UBN2: variants seen among roughly 807,000 people sequenced by gnomAD.
UBN2 encodes the protein ubinuclein 2, also known as ubinuclein-2.
In UBN2, 35 loss-of-function variants were observed where a neutral mutation model predicts 120.2. The ratio of observed to expected loss-of-function variants is 0.29; its 90% CI spans 0.22 to 0.39. The LOEUF is 0.39. UBN2 is among the 10% of genes least tolerant of loss of function. UBN2 has a pLI of 1.00. For missense variants in UBN2, 1,693 were observed against 1,663.2 expected (o/e 1.02, Z -0.31); for synonymous variants, 661 against 648.7 (o/e 1.02, Z -0.29).
At chr7:139,255,307 G>C (rs1248354275) in intron 3 of UBN2, among the ~76,000 whole-genome samples, 3 of 151,964 alleles carry the variant, frequency 2.0e-5, no homozygotes, top group African/African-American at 7.3e-5. Flanking sequence ...CAACTTAAAG[G>C]GCATGACTGG....
Position 139,266,242 on chromosome 7 carries a change from A to G in UBN2, c.1396-91A>G, listed in dbSNP as rs111749302. ...GCCCTATCTCAAAAAAAAAAAAAAA[A>G]AAAGAAAAAAACCTTTGAACACGTG... is the stretch of plus-strand genomic sequence containing the variant. On this transcript the variant is annotated intron_variant, in intron 6 of 17. Transcript: ENST00000473989. 338 of 843,148 alleles carry G rather than the reference A, an allele frequency of 4.0e-4. 4 individuals carry two copies. The East Asian group carries it at 5.0e-3, about 12-fold the overall frequency. The allele number at this position is 843,148 out of a possible 1,614,324, so 52.2% of individuals were successfully genotyped here. A position where few individuals can be genotyped will look rare whatever the true frequency, so the allele number is the denominator to read the frequency against.
At chr7:139,328,349 C>T in the UBN2 span, among the ~76,000 whole-genome samples, 2 of 152,098 alleles carry the variant, frequency 1.3e-5, no homozygotes, top group African/African-American at 2.4e-5. Flanking sequence ...CACTGTCGTG[C>T]GAATAGCAAG....
In UBN2 at chr7:139,276,147, C is replaced by T. The variant is rs765815222; in HGVS notation, c.2024C>T (p.Pro675Leu). 1.7e-5 allele frequency: 28 copies of T among 1,613,180 alleles called. No individual in the cohort carries two copies. The African/African-American group carries it at 1.7e-4, about 10-fold the overall frequency. ...RSVHNHLTSA[P>L]AKKKVIPAPK... ...GTTCATAATCATCTTACTTCTGCTC[C>T]GTGAGTAAATGCAGACTCCAGATTG... is the stretch of plus-strand genomic sequence containing the variant. The change falls in exon 12 of 18, where the codon CCG (proline) becomes CTG (leucine). Residue 675 changes from proline to leucine, a missense_variant and splice_region_variant. Coordinates refer to ENST00000473989, the MANE Select transcript of UBN2 (RefSeq NM_173569.4).
At chr7:139,314,380 G>A in the UBN2 span, among the ~76,000 whole-genome samples, 4 of 150,440 alleles carry the variant, frequency 2.7e-5, no homozygotes, top group Admixed American at 1.3e-4. Context: ...GCTTGAACCC[G>A]GGAGGCAGAG....
intron 16 of UBN2, 181 bp from the exon 17 acceptor site, chr7:139,293,707 TG>T: frequency 1.5e-6 from 1 of 649,840 alleles, no homozygotes; most frequent in South Asian, 2.0e-5. Flanking sequence ...GGAAGTCAGT[TG>T]TGTTGGGTTA....
intron 13 of UBN2, among the ~76,000 whole-genome samples, chr7:139,281,502 TCGTC>T (rs972197597): frequency 6.6e-6 from 1 of 152,122 alleles, no homozygotes; most frequent in African/African-American, 2.4e-5. Context: ...TCCCTTCCAT[TCGTC>T]CGTCCATCCA....
chr7:139,245,936 T>C (rs116614461), intron 2 of UBN2, among the ~76,000 whole-genome samples: 1 of 152,216 alleles, frequency 6.6e-6, no homozygotes, highest in Non-Finnish European at 1.5e-5. Context: ...TGAGTCAACA[T>C]GTACAAGGCA....
chr7:139,257,632 G>T lies in UBN2; in HGVS notation c.664-856G>T, dbSNP rs867072005. ...GGGGTTTCACTATGTTGGCCAGGCT[G>T]GTCTTGAACTCCTGACCTCATGATC... On this transcript the variant is annotated intron_variant, in intron 3 of 17. Transcript: ENST00000473989. Among the ~76,000 whole-genome samples, 10 of 152,066 alleles carry T rather than the reference G, an allele frequency of 6.6e-5. No individual in the cohort carries two copies. In the South Asian group the frequency reaches 1.0e-3, roughly 16 times the overall value.
Position 139,231,452 on chromosome 7 carries a change from C to T in UBN2, c.-33C>T. 7.7e-7 allele frequency: 1 copy of T among 1,295,196 alleles called. No homozygotes were observed. Among genetic ancestry groups the T allele is most frequent in the South Asian group, 2.3e-5 (1 of 43,910 alleles). The allele number at this position is 1,295,196 out of a possible 1,614,324, so 80.2% of individuals were successfully genotyped here. A position where few individuals can be genotyped will look rare whatever the true frequency, so the allele number is the denominator to read the frequency against. On this transcript the variant is annotated 5_prime_UTR_variant, in exon 1 of 18. Coordinates refer to ENST00000473989, the MANE Select transcript of UBN2 (RefSeq NM_173569.4). ...AGCGCGCCGTAGAAGCGAGCGCCGG[C>T]TCGAGCAAAAGCGGAGGGCCAGAAC... is the stretch of plus-strand genomic sequence containing the variant.
chr7:139,289,392 G>T (rs2131054035), intron 15 of UBN2, among the ~76,000 whole-genome samples: 1 of 145,796 alleles, frequency 6.9e-6, no homozygotes, highest in East Asian at 2.0e-4. Context: ...TTTGGAAATT[G>T]CCCTCCCTAA....
At chr7:139,295,387 C>T (rs75284225) in intron 17 of UBN2, among the ~76,000 whole-genome samples, 4 of 152,126 alleles carry the variant, frequency 2.6e-5, no homozygotes, top group African/African-American at 4.8e-5. Flanking sequence ...CATGTCCCCC[C>T]CTGGGTGTAG....
the UBN2 span, among the ~76,000 whole-genome samples, chr7:139,322,580 A>T: frequency 1.4e-5 from 2 of 143,396 alleles, no homozygotes; most frequent in Non-Finnish European, 3.0e-5. Context: ...GAGACGTTTC[A>T]TTGGAACTTT....
chr7:139,326,221 A>G, the UBN2 span, among the ~76,000 whole-genome samples: 1 of 152,162 alleles, frequency 6.6e-6, no homozygotes, highest in African/African-American at 2.4e-5. Context: ...GTGCCCCTGC[A>G]CTCCAGCGTG....
rs1387086677 is a variant in UBN2 at position 139,261,350 on chromosome 7, A to AG, written c.1006dup (p.Asp336GlyfsTer8). 1 of 1,614,234 alleles carries AG rather than the reference A, an allele frequency of 6.2e-7. No homozygotes were observed. Among genetic ancestry groups the AG allele is most frequent in the Non-Finnish European group, 8.5e-7 (1 of 1,180,038 alleles). On this transcript the variant is annotated frameshift_variant, in exon 6 of 18. Coordinates refer to ENST00000473989, the MANE Select transcript of UBN2 (RefSeq NM_173569.4). LOFTEE classifies it high-confidence loss of function. ...ATGATTAGAAAATTCCAGAAAGAGA[A>AG]GGATGCATTAAAGAAGGAGTCTAAC...
In UBN2 at chr7:139,297,843, A is replaced by G. The variant is rs190102177; in HGVS notation, c.*7A>G. The G allele has an allele frequency of 6.2e-7, 1 of 1,614,152 alleles. No individual in the cohort carries two copies. The highest frequency in any genetic ancestry group is 2.2e-5 in the East Asian group (1 of 44,856). Reference sequence around the variant, plus strand: ...ACCACGGAAATCTCAGTGACTGCCCAGCAAGCAAAGGAGACGAAATGTTTA... The same window carrying G: ...ACCACGGAAATCTCAGTGACTGCCCGGCAAGCAAAGGAGACGAAATGTTTA... On this transcript the variant is annotated 3_prime_UTR_variant, in exon 18 of 18. Transcript: ENST00000473989.
At chr7:139,317,902 A>G in the UBN2 span, among the ~76,000 whole-genome samples, 2 of 152,106 alleles carry the variant, frequency 1.3e-5, no homozygotes, top group Non-Finnish European at 2.9e-5. Context: ...ACCTCAGGTG[A>G]CCCACCCGCC....
the UBN2 span, among the ~76,000 whole-genome samples, chr7:139,328,968 G>A: frequency 6.6e-6 from 1 of 152,006 alleles, no homozygotes; most frequent in African/African-American, 2.4e-5. Flanking sequence ...ACTTCAGGCA[G>A]GCTGAGATGG....
chr7:139,284,308 T>G lies in UBN2; in HGVS notation c.3403T>G (p.Ser1135Ala), dbSNP rs1168641340. Reference protein sequence around the residue: ...TLNLLPSSRTSGLPPTKNLQA... With the variant: ...TLNLLPSSRTAGLPPTKNLQA... Reference sequence around the variant, plus strand: ...GAATTTATTGCCCTCTAGTCGCACTTCAGGCCTTCCACCTACAAAAAATCT... The same window carrying G: ...GAATTTATTGCCCTCTAGTCGCACTGCAGGCCTTCCACCTACAAAAAATCT... Residue 1135 changes from serine to alanine, a missense_variant, in exon 15 of 18, where the codon TCA becomes GCA. Coordinates refer to ENST00000473989, the MANE Select transcript of UBN2 (RefSeq NM_173569.4). 2 of 1,614,066 alleles carry G rather than the reference T, an allele frequency of 1.2e-6. No homozygotes were observed. The highest frequency in any genetic ancestry group is 2.7e-5 in the African/African-American group (2 of 74,908).
intron 15 of UBN2, among the ~76,000 whole-genome samples, chr7:139,290,482 TATC>T (rs1458464724): frequency 1.3e-5 from 2 of 152,218 alleles, no homozygotes; most frequent in Non-Finnish European, 2.9e-5. Flanking sequence ...ACTATAATGT[TATC>T]ATTTTATAAT....
Sources: gnomAD v4.1 joint callset for allele counts (sites outside exome capture counted in the v4.1 genomes callset) on GRCh38, gnomAD v4.1.1 for gene constraint, MANE v1.5 for transcripts, NCBI Gene and HGNC (gene_info 2026-07-23, HGNC 2026-07-21) for gene names.